The following SSBP3 variants were observed in gnomAD, a reference collection of about 807,000 sequenced individuals.
SSBP3 encodes single stranded DNA binding protein 3, also known as single-stranded DNA-binding protein 3.
Under a neutral mutation model 69.6 loss-of-function variants are expected in SSBP3, and 5 were observed. The observed-to-expected ratio is 0.07, with a 90% CI of 0.04 to 0.15. The LOEUF is 0.15. Ranked by LOEUF, SSBP3 falls within the 10% of genes least tolerant of loss-of-function variation. The probability of loss-of-function intolerance (pLI) is 1.00; values close to 1 mark genes in which losing one functional copy is unlikely to be tolerated. For missense variants in SSBP3, 312 were observed against 534.0 expected (o/e 0.58, Z 4.10); for synonymous variants, 196 against 193.4 (o/e 1.01, Z -0.11).
At chr1:54,310,908 C>T (rs910229686) in intron 4 of SSBP3, among the ~76,000 whole-genome samples, 15 of 152,336 alleles carry the variant, frequency 9.8e-5, no homozygotes, top group African/African-American at 3.6e-4. Flanking sequence ...CAGTGGTGAG[C>T]ATGAATGCTT....
At chr1:54,348,524 T>C (rs1410012213) in intron 4 of SSBP3, among the ~76,000 whole-genome samples, 1 of 152,114 alleles carries the variant, frequency 6.6e-6, no homozygotes, top group Non-Finnish European at 1.5e-5. Context: ...CACTTCAAGC[T>C]CCCACAGTGA....
At chr1:54,382,598 C>G (rs1219157887) in intron 4 of SSBP3, among the ~76,000 whole-genome samples, 2 of 152,138 alleles carry the variant, frequency 1.3e-5, no homozygotes, top group Non-Finnish European at 2.9e-5. Context: ...TCTTCCTAAA[C>G]TGATACTATT....
intron 4 of SSBP3, among the ~76,000 whole-genome samples, chr1:54,288,291 C>A (rs1022513607): frequency 1.3e-5 from 2 of 152,298 alleles, no homozygotes; most frequent in South Asian, 2.1e-4. Flanking sequence ...TCTGATCAGG[C>A]CTTCCTGCCC....
chr1:54,379,865 G>A (rs923534980), intron 4 of SSBP3, among the ~76,000 whole-genome samples: 2 of 152,190 alleles, frequency 1.3e-5, no homozygotes, highest in African/African-American at 2.4e-5. Flanking sequence ...GCAAGAACAC[G>A]GCGCATCAAG....
intron 10 of SSBP3, chr1:54,243,009 T>C: frequency 1.9e-6 from 1 of 533,334 alleles, no homozygotes; most frequent in African/African-American, 1.9e-5. Flanking sequence ...GAAGATGAGG[T>C]GAGCTGATGC....
intron 4 of SSBP3, among the ~76,000 whole-genome samples, chr1:54,304,017 A>G (rs777013634): frequency 5.9e-5 from 9 of 152,206 alleles, no homozygotes; most frequent in Non-Finnish European, 1.0e-4. Flanking sequence ...AATGATGGGT[A>G]GCACGGAGAC....
intron 4 of SSBP3, among the ~76,000 whole-genome samples, chr1:54,363,794 A>C (rs1271350707): frequency 2.6e-5 from 4 of 152,258 alleles, no homozygotes; most frequent in Admixed American, 2.0e-4. Context: ...TTTGTGGTAG[A>C]GACTTTCCTT....
chr1:54,404,553 G>A (rs1047718757), intron 3 of SSBP3, 23 bp downstream of exon 3: 9 of 1,612,496 alleles, frequency 5.6e-6, no homozygotes, highest in Non-Finnish European at 7.6e-6. Context: ...AAACACACAT[G>A]CAAAACTATC....
intron 4 of SSBP3, among the ~76,000 whole-genome samples, chr1:54,292,799 G>A (rs1645632270): frequency 6.6e-6 from 1 of 152,044 alleles, no homozygotes. Context: ...GGGGCAGGAA[G>A]GGTAATATCT....
In SSBP3 at chr1:54,364,444, C is replaced by G. The variant is rs566457758; in HGVS notation, c.276+37417G>C. ...GGGGAGATGACCTGCCAGAGCCAGT[C>G]TGCTAGAAGGACTGAGGTCCCACCT... On this transcript the variant is annotated intron_variant, in intron 4 of 17. Coordinates refer to ENST00000610401, the Ensembl canonical transcript of SSBP3. 3.9e-5 allele frequency among the ~76,000 whole-genome samples: 6 copies of G among 152,340 alleles called. 1 individual carries two copies. The South Asian group carries it at 1.2e-3, about 32-fold the overall frequency.
chr1:54,393,518 A>T (rs1278288405), intron 4 of SSBP3, among the ~76,000 whole-genome samples: 4 of 152,192 alleles, frequency 2.6e-5, no homozygotes, highest in Admixed American at 2.6e-4. Context: ...GGCCGGGTGT[A>T]GTGGCTCACA....
intron 5 of SSBP3, among the ~76,000 whole-genome samples, chr1:54,278,616 C>T (rs1481376274): frequency 6.6e-6 from 1 of 152,224 alleles, no homozygotes; most frequent in East Asian, 1.9e-4. Flanking sequence ...CTCTCCCACC[C>T]AACCCTGGAG....
chr1:54,240,073 TGTGTGTGTGTGTGTGC>T (rs780060471), intron 13 of SSBP3, among the ~76,000 whole-genome samples: 1,057 of 26,202 alleles, frequency 0.04, 8 homozygotes, highest in African/African-American at 0.066. Flanking sequence ...TGTGTGTGTG[TGTGTGTGTGTGTGTGC>T]GCGCGCGCGC....
chr1:54,367,544 T>G (rs952406764), intron 4 of SSBP3, among the ~76,000 whole-genome samples: 1 of 152,046 alleles, frequency 6.6e-6, no homozygotes, highest in Non-Finnish European at 1.5e-5. Flanking sequence ...GAAGAATGAG[T>G]GGAGAAAGGA....
At chr1:54,279,852 A>G (rs1460000377) in intron 5 of SSBP3, among the ~76,000 whole-genome samples, 1 of 152,202 alleles carries the variant, frequency 6.6e-6, no homozygotes, top group African/African-American at 2.4e-5. Context: ...TCTTGGGTCC[A>G]TGAGTTTCCA....
chr1:54,404,381 A>G (rs528607026), intron 3 of SSBP3, among the ~76,000 whole-genome samples, 195 bp downstream of exon 3: 2 of 152,298 alleles, frequency 1.3e-5, no homozygotes, highest in Non-Finnish European at 2.9e-5. Context: ...TTTTCCCCCC[A>G]AAACTTTAGG....
At chr1:54,227,080 C>T (rs766199642) in exon 18 of SSBP3, 11 of 1,527,742 alleles carry the variant, frequency 7.2e-6, no homozygotes, top group Middle Eastern at 1.9e-4. Context: ...TAATTTCTGG[C>T]ATCTTCCCGC....
chr1:54,365,495 G>A (rs1348988860), intron 4 of SSBP3, among the ~76,000 whole-genome samples: 1 of 152,214 alleles, frequency 6.6e-6, no homozygotes, highest in Non-Finnish European at 1.5e-5. Flanking sequence ...CAAGTGGGGC[G>A]CAGAAAAGCA....
intron 4 of SSBP3, among the ~76,000 whole-genome samples, chr1:54,289,037 C>CAAAAA (rs994712448): frequency 4.8e-5 from 3 of 62,060 alleles, no homozygotes; most frequent in East Asian, 2.9e-4. Flanking sequence ...AAAAAAAAAA[C>CAAAAA]AAAAAAACAA....
Sources: allele counts gnomAD v4.1 joint callset (sites outside exome capture counted in the v4.1 genomes callset), GRCh38; gene constraint gnomAD v4.1.1; transcripts MANE v1.5; gene names NCBI Gene and HGNC (gene_info 2026-07-23, HGNC 2026-07-21).